NSUN3: variants seen among roughly 807,000 people sequenced by gnomAD.
NSUN3 encodes the protein NOP2/Sun RNA methyltransferase 3.
In NSUN3, 24 loss-of-function variants were observed where a neutral mutation model predicts 36.8. The ratio of observed to expected loss-of-function variants is 0.65; its 90% CI spans 0.47 to 0.92. The LOEUF (loss-of-function observed/expected upper bound fraction) is 0.92, where lower values mean the gene tolerates loss of function less well. Ranked by LOEUF, NSUN3 falls within the 40% of genes least tolerant of loss-of-function variation. NSUN3 has a pLI of 0.00. For synonymous variants in NSUN3, 146 were observed against 145.2 expected (o/e 1.01, Z -0.04); for missense variants, 381 against 392.8 (o/e 0.97, Z 0.25).
chr3:94,128,515 T>C lies in NSUN3; in HGVS notation c.*2025T>C, dbSNP rs1248385943. ...CTTAATCTGAATACTTGGTATGCTA[T>C]TGAATTTACTTTCCTATGATTACTG... On this transcript the variant is annotated 3_prime_UTR_variant, in exon 6 of 6. Coordinates refer to ENST00000314622, the MANE Select transcript of NSUN3 (RefSeq NM_022072.5). 6.6e-6 allele frequency: 1 copy of C among 151,344 alleles called. No individual in the cohort carries two copies. Among genetic ancestry groups the C allele is most frequent in the Non-Finnish European group, 1.5e-5 (1 of 67,850 alleles). The allele number at this position is 151,344 out of a possible 1,614,324, so 9.4% of individuals were successfully genotyped here.
chr3:94,063,390 CTG>C, intron 1 of NSUN3: 1 of 511,034 alleles, frequency 2.0e-6, no homozygotes, highest in African/African-American at 1.9e-5. Flanking sequence ...GATTTGTTTT[CTG>C]TGTCACAGCG....
At chr3:94,084,920 T>G (rs1432207621) in intron 3 of NSUN3, 5 of 152,422 alleles carry the variant, frequency 3.3e-5, no homozygotes, top group Admixed American at 1.3e-4. Context: ...AGTAGTTCCA[T>G]TTTAAAAAGT....
At chr3:94,076,416 A>C in intron 2 of NSUN3, 1 of 798,526 alleles carries the variant, frequency 1.3e-6, no homozygotes, top group Non-Finnish European at 2.3e-6. Flanking sequence ...CAAGTATCCC[A>C]AATCATAAGT....
intron 5 of NSUN3, among the ~76,000 whole-genome samples, chr3:94,103,152 G>A (rs1359665490): frequency 6.6e-6 from 1 of 152,036 alleles, no homozygotes; most frequent in Admixed American, 6.6e-5. Context: ...CTCCCAAAGT[G>A]CTGGGATTGC....
At chr3:94,064,198 C>T in intron 1 of NSUN3, 1 of 493,442 alleles carries the variant, frequency 2.0e-6, no homozygotes, top group East Asian at 3.6e-5. Flanking sequence ...TTTCTTCAGC[C>T]CCAGTAGATT....
At position 94,131,200 on chromosome 3, in the gene NSUN3, G is replaced by A. The variant is rs2077507444; in HGVS notation, c.*4710G>A. ...CCCAAAGTATTGGGATTACAGGTGT[G>A]AGCCATTGTGCTCGGCCTCATATAT... is the stretch of plus-strand genomic sequence containing the variant. On this transcript the variant is annotated 3_prime_UTR_variant, in exon 6 of 6. Transcript: ENST00000314622. 6.6e-6 allele frequency among the ~76,000 whole-genome samples: 1 copy of A among 152,070 alleles called. No homozygotes were observed. The highest frequency in any genetic ancestry group is 2.1e-4 in the South Asian group (1 of 4,824).
At chr3:94,065,876 A>G (rs145844657) in intron 2 of NSUN3, among the ~76,000 whole-genome samples, 5 of 152,304 alleles carry the variant, frequency 3.3e-5, no homozygotes, top group Non-Finnish European at 4.4e-5. Context: ...CATGTTTACT[A>G]TATGCCAGAC....
At chr3:94,074,503 T>G (rs879783861) in intron 2 of NSUN3, among the ~76,000 whole-genome samples, 7 of 152,228 alleles carry the variant, frequency 4.6e-5, no homozygotes, top group Non-Finnish European at 1.0e-4. Context: ...GTAGTTCTCC[T>G]TGAAGAGGTC....
chr3:94,069,565 C>T (rs772792135), intron 2 of NSUN3, among the ~76,000 whole-genome samples: 45 of 151,832 alleles, frequency 3.0e-4, no homozygotes, highest in Middle Eastern at 3.4e-3. Flanking sequence ...GTCACTAGGA[C>T]GGAAGGTAGG....
In NSUN3 at chr3:94,121,653, GT is replaced by G. The variant is rs568416330; in HGVS notation, c.744-4551del. On this transcript the variant is annotated intron_variant, in intron 5 of 5. Transcript: ENST00000314622. ...AGTGAGGAGAGGAAACATAGAAAAA[GT>G]TTTTTTAGAGACTAACAACAAACAC... Among the ~76,000 whole-genome samples, 25 of 152,174 alleles carry G rather than the reference GT, an allele frequency of 1.6e-4. No individual in the cohort carries two copies. The East Asian group carries it at 3.7e-3, about 22-fold the overall frequency.
At chr3:94,082,804 GA>G (rs1477940352) in intron 2 of NSUN3, among the ~76,000 whole-genome samples, 4 of 152,130 alleles carry the variant, frequency 2.6e-5, no homozygotes, top group Non-Finnish European at 4.4e-5. Flanking sequence ...GCTGCTGGGG[GA>G]AAGCCTGCAC....
Position 94,095,178 on chromosome 3 carries a change from G to A in NSUN3, c.743+24G>A, listed in dbSNP as rs200567459. ...AGGTAAGGACTGTTAATACAAAAGT[G>A]TATTTTGGTGTCTGATGTAATTTAC... is the stretch of plus-strand genomic sequence containing the variant. On this transcript the variant is annotated intron_variant, in intron 5 of 5. Transcript: ENST00000314622. 6.8e-5 allele frequency: 110 copies of A among 1,607,056 alleles called. 1 individual carries two copies. The East Asian group carries it at 1.7e-3, about 26-fold the overall frequency.
In NSUN3 at chr3:94,094,179, G is replaced by A. The variant is rs1255674506; in HGVS notation, c.506G>A (p.Arg169Lys). ...AATGAATATGATAGTCTGAGATTGA[G>A]GTGGCTAAGGCAGACGTTGGAATCT... The part of the protein sequence containing the change: ...HCNEYDSLRL[R>K]WLRQTLESFI... Residue 169 changes from arginine to lysine, a missense_variant, in exon 4 of 6, where the codon AGG becomes AAG. By Grantham distance (26) the Arg-to-Lys change is conservative. Transcript: ENST00000314622. 2 of 1,612,030 alleles carry A rather than the reference G, an allele frequency of 1.2e-6. No homozygotes were observed. The highest frequency in any genetic ancestry group is 3.3e-5 in the Admixed American group (2 of 59,702).
intron 3 of NSUN3, chr3:94,084,730 G>C (rs1258824922): frequency 7.2e-6 from 2 of 279,526 alleles, no homozygotes; most frequent in African/African-American, 4.4e-5. Flanking sequence ...AGCCTGATAG[G>C]TATTTTTTAT....
At chr3:94,114,748 C>A (rs530495430) in intron 5 of NSUN3, among the ~76,000 whole-genome samples, 76 of 152,262 alleles carry the variant, frequency 5.0e-4, no homozygotes, top group Non-Finnish European at 8.2e-4. Flanking sequence ...AGTTTTTCCA[C>A]CCTTACCCCC....
chr3:94,080,049 TC>T (rs2077261346), intron 2 of NSUN3, among the ~76,000 whole-genome samples: 1 of 152,170 alleles, frequency 6.6e-6, no homozygotes, highest in South Asian at 2.1e-4. Flanking sequence ...CACTGGTTTC[TC>T]CCCATCTTTG....
At chr3:94,063,173 G>T in intron 1 of NSUN3, 35 bp downstream of exon 1, 1 of 1,612,690 alleles carries the variant, frequency 6.2e-7, no homozygotes, top group Non-Finnish European at 8.5e-7. Context: ...ACCTCTATCT[G>T]AATGAGACGC....
intron 5 of NSUN3, among the ~76,000 whole-genome samples, chr3:94,111,274 G>A (rs1186399048): frequency 6.6e-6 from 1 of 152,184 alleles, no homozygotes; most frequent in Non-Finnish European, 1.5e-5. Context: ...ACTGGAAGTT[G>A]CTCTGGGTGA....
Position 94,084,419 on chromosome 3 carries a change from A to G in NSUN3, c.435A>G (p.Lys145=). Reference sequence around the variant, plus strand: ...ATCTCTGTGCTGCTCCTGGAGGGAAATCAATAGCTCTGCTGCAGTGTGCTT... The same window carrying G: ...ATCTCTGTGCTGCTCCTGGAGGGAAGTCAATAGCTCTGCTGCAGTGTGCTT... ...VLDLCAAPGG[K]SIALLQCACP... is the part of the protein sequence containing the mutation. The change falls in exon 3 of 6, where the codon AAA becomes AAG. Residue 145 remains lysine (K), a synonymous_variant. Transcript: ENST00000314622. The G allele has an allele frequency of 1.2e-6, 2 of 1,614,004 alleles. No individual in the cohort carries two copies. The highest frequency in any genetic ancestry group is 1.7e-6 in the Non-Finnish European group (2 of 1,179,968).
Sources: gnomAD v4.1 joint callset for allele counts (sites outside exome capture counted in the v4.1 genomes callset) on GRCh38, gnomAD v4.1.1 for gene constraint, MANE v1.5 for transcripts, NCBI Gene and HGNC (gene_info 2026-07-23, HGNC 2026-07-21) for gene names.